ADAM12: variants seen among roughly 807,000 people sequenced by gnomAD.
ADAM12 encodes the protein ADAM metallopeptidase domain 12.
Under a neutral mutation model 106.4 loss-of-function variants are expected in ADAM12, and 70 were observed. That is an observed-to-expected ratio of 0.66 (90% CI 0.54 to 0.80). The LOEUF is 0.80. ADAM12 is among the 30% of genes least tolerant of loss of function. The pLI is 0.00. For missense variants in ADAM12, 1,010 were observed against 1,171.9 expected, an observed-to-expected ratio of 0.86 and a Z score of 2.02; for synonymous variants, 420 against 433.5, an observed-to-expected ratio of 0.97 and a Z score of 0.39.
chr10:126,134,741 T>TGCTG (rs1956373492), intron 5 of ADAM12, among the ~76,000 whole-genome samples: 1 of 152,218 alleles, frequency 6.6e-6, no homozygotes, highest in African/African-American at 2.4e-5. Flanking sequence ...TGCAAAGACG[T>TGCTG]CACAGGAACT....
intron 3 of ADAM12, among the ~76,000 whole-genome samples, chr10:126,237,800 A>C (rs1207504856): frequency 6.6e-6 from 1 of 152,210 alleles, no homozygotes; most frequent in Non-Finnish European, 1.5e-5. Context: ...CACTGGAAAG[A>C]ACTCTAATGC....
chr10:126,065,796 C>A (rs1318457580), intron 13 of ADAM12, among the ~76,000 whole-genome samples: 1 of 152,110 alleles, frequency 6.6e-6, no homozygotes, highest in Non-Finnish European at 1.5e-5. Context: ...CCCTGTGGTC[C>A]TCCCTCCCCT....
chr10:126,235,541 C>T (rs1039529762), intron 3 of ADAM12, among the ~76,000 whole-genome samples: 2 of 152,116 alleles, frequency 1.3e-5, no homozygotes, highest in African/African-American at 4.8e-5. Flanking sequence ...GCTGCAGGAG[C>T]GTGCCTGCAT....
intron 1 of ADAM12, among the ~76,000 whole-genome samples, chr10:126,341,224 T>G (rs1854919555): frequency 6.6e-6 from 1 of 152,206 alleles, no homozygotes; most frequent in Admixed American, 6.5e-5. Context: ...AATCTTGTTT[T>G]ATTTATTTAC....
At chr10:126,129,765 G>C (rs912239785) in intron 5 of ADAM12, among the ~76,000 whole-genome samples, 12 of 152,172 alleles carry the variant, frequency 7.9e-5, no homozygotes, top group African/African-American at 2.9e-4. Context: ...TAAACTCCAT[G>C]GCTGAACTCC....
At chr10:126,301,614 AT>A (rs1403885362) in intron 2 of ADAM12, among the ~76,000 whole-genome samples, 1 of 152,238 alleles carries the variant, frequency 6.6e-6, no homozygotes, top group African/African-American at 2.4e-5. Flanking sequence ...GAATCAGTGG[AT>A]TTTTGGAGAA....
At chr10:126,262,917 C>A (rs1374790205) in intron 3 of ADAM12, among the ~76,000 whole-genome samples, 1 of 152,182 alleles carries the variant, frequency 6.6e-6, no homozygotes, top group Non-Finnish European at 1.5e-5. Flanking sequence ...AGAGCACACA[C>A]TTCCCCCAGA....
At chr10:126,304,278 T>A (rs1301145698) in intron 2 of ADAM12, among the ~76,000 whole-genome samples, 3 of 73,462 alleles carry the variant, frequency 4.1e-5, no homozygotes, top group Non-Finnish European at 7.3e-5. Context: ...CAAAACCAGG[T>A]AACAAAAAGG....
At chr10:126,033,319 G>A (rs886201237) in intron 21 of ADAM12, among the ~76,000 whole-genome samples, 4 of 152,176 alleles carry the variant, frequency 2.6e-5, no homozygotes, top group African/African-American at 9.7e-5. Flanking sequence ...AGTAGTTCAA[G>A]TGTACCAGTA....
At chr10:126,343,931 A>C (rs140881390) in intron 1 of ADAM12, among the ~76,000 whole-genome samples, 44,365 of 152,140 alleles carry the variant, frequency 0.29, 6,601 homozygotes, top group Middle Eastern at 0.34. Context: ...GCCCTTTGTC[A>C]GATGAGTAGA....
At chr10:126,020,003 G>A (rs916708891) in intron 21 of ADAM12, among the ~76,000 whole-genome samples, 178 bp from the exon 22 acceptor site, 2 of 152,116 alleles carry the variant, frequency 1.3e-5, no homozygotes, top group African/African-American at 4.8e-5. Flanking sequence ...TAACATTTAA[G>A]ACTTATCCAT....
intron 3 of ADAM12, among the ~76,000 whole-genome samples, chr10:126,251,060 T>C (rs939051172): frequency 1.1e-4 from 16 of 152,222 alleles, no homozygotes; most frequent in African/African-American, 3.9e-4. Context: ...ATAGAAACTC[T>C]GCCTCTCTCA....
intron 1 of ADAM12, among the ~76,000 whole-genome samples, chr10:126,350,794 GCCGGGCAC>G (rs1480660135): frequency 1.3e-5 from 2 of 152,184 alleles, no homozygotes; most frequent in African/African-American, 2.4e-5. Flanking sequence ...AGCCTTGGAG[GCCGGGCAC>G]CTGGCCAGAA....
intron 1 of ADAM12, among the ~76,000 whole-genome samples, chr10:126,333,984 G>C (rs753872888): frequency 1.3e-5 from 2 of 152,204 alleles, no homozygotes; most frequent in Non-Finnish European, 2.9e-5. Context: ...CCATCTCTCA[G>C]CTTTTTCATT....
chr10:126,030,344 G>A (rs886652230), intron 21 of ADAM12, among the ~76,000 whole-genome samples: 1 of 152,094 alleles, frequency 6.6e-6, no homozygotes, highest in Non-Finnish European at 1.5e-5. Context: ...AGAGGTGGGT[G>A]GGGGGTAGAG....
intron 5 of ADAM12, among the ~76,000 whole-genome samples, chr10:126,123,733 C>T (rs527998832): frequency 6.6e-6 from 1 of 152,326 alleles, no homozygotes; most frequent in Admixed American, 6.5e-5. Context: ...CTCAACCCCA[C>T]ACTCGCCTGC....
chr10:126,057,721 A>C (rs1269377572), intron 14 of ADAM12, among the ~76,000 whole-genome samples: 2 of 151,996 alleles, frequency 1.3e-5, no homozygotes, highest in Non-Finnish European at 2.9e-5. Flanking sequence ...CACTGGCCAC[A>C]CCCCTCCAGG....
intron 1 of ADAM12, among the ~76,000 whole-genome samples, chr10:126,351,194 C>T (rs898526554): frequency 1.3e-5 from 2 of 152,124 alleles, no homozygotes; most frequent in African/African-American, 4.8e-5. Flanking sequence ...CCTGCTCCCC[C>T]ACCCCACCCT....
At chr10:126,187,549 G>A (rs1180435096) in intron 3 of ADAM12, among the ~76,000 whole-genome samples, 1 of 152,116 alleles carries the variant, frequency 6.6e-6, no homozygotes, top group South Asian at 2.1e-4. Flanking sequence ...AGCCCAGGTC[G>A]GTGTTGTGGG....
Sources: gnomAD v4.1 joint callset for allele counts (sites outside exome capture counted in the v4.1 genomes callset) on GRCh38, gnomAD v4.1.1 for gene constraint, MANE v1.5 for transcripts, NCBI Gene and HGNC (gene_info 2026-07-23, HGNC 2026-07-21) for gene names.